PDE10A: variants seen among roughly 807,000 people sequenced by gnomAD.
PDE10A encodes phosphodiesterase 10A.
Under a neutral mutation model 97.7 loss-of-function variants are expected in PDE10A, and 39 were observed. That is an observed-to-expected ratio of 0.40 (90% confidence interval 0.31 to 0.52). The LOEUF is 0.52. PDE10A is among the 20% of genes least tolerant of loss of function. The pLI is 0.56. For missense variants in PDE10A, 731 were observed against 1,047.8 expected (o/e 0.70, Z 4.17); for synonymous variants, 371 against 376.8 (o/e 0.98, Z 0.18).
chr6:165,663,383 G>T (rs1790396290), upstream of PDE10A, among the ~76,000 whole-genome samples: 1 of 152,124 alleles, frequency 6.6e-6, no homozygotes, highest in South Asian at 2.1e-4. Flanking sequence ...GGGCCGGGGC[G>T]GGCGGACAGA....
At chr6:165,590,017 T>G (rs1285524899) in intron 1 of PDE10A, among the ~76,000 whole-genome samples, 2 of 152,190 alleles carry the variant, frequency 1.3e-5, no homozygotes, top group African/African-American at 4.8e-5. Flanking sequence ...TATCACAAAT[T>G]GAGATAAAAA....
At chr6:165,482,181 G>T (rs1226602621) in intron 3 of PDE10A, 134 bp downstream of exon 3, 2 of 727,606 alleles carry the variant, frequency 2.7e-6, no homozygotes, top group Non-Finnish European at 2.5e-6. Flanking sequence ...ATATTAATGA[G>T]TGATACTTTG....
intron 2 of PDE10A, among the ~76,000 whole-genome samples, chr6:165,519,596 A>G (rs75301026): frequency 0.059 from 9,035 of 152,202 alleles, 431 homozygotes; most frequent in African/African-American, 0.13. Flanking sequence ...CAATTCGTTT[A>G]ACTATTTGCC....
chr6:165,710,449 G>C (rs1427468364), intron 1 of PDE10A, among the ~76,000 whole-genome samples: 1 of 152,170 alleles, frequency 6.6e-6, no homozygotes, highest in Non-Finnish European at 1.5e-5. Context: ...CAACTAAGAT[G>C]TTACGATGTT....
At chr6:165,707,676 C>A (rs1433769480) in intron 1 of PDE10A, among the ~76,000 whole-genome samples, 1 of 151,144 alleles carries the variant, frequency 6.6e-6, no homozygotes, top group Non-Finnish European at 1.5e-5. Context: ...TGTGTGTAAG[C>A]GTATGTGAGC....
intron 1 of PDE10A, among the ~76,000 whole-genome samples, chr6:165,898,457 C>G (rs1782016829): frequency 6.6e-6 from 1 of 152,146 alleles, no homozygotes; most frequent in African/African-American, 2.4e-5. Flanking sequence ...CTCCAGGGCA[C>G]AGAGCAAAGC....
chr6:165,954,051 G>A (rs1002534234), intron 1 of PDE10A, among the ~76,000 whole-genome samples: 4 of 152,134 alleles, frequency 2.6e-5, no homozygotes, highest in African/African-American at 9.7e-5. Flanking sequence ...ATGTGTATTT[G>A]GGGTTCCTTG....
chr6:165,848,810 G>A (rs1316657189), intron 1 of PDE10A, among the ~76,000 whole-genome samples: 1 of 152,146 alleles, frequency 6.6e-6, no homozygotes, highest in Non-Finnish European at 1.5e-5. Flanking sequence ...GCCGGGGGAG[G>A]AAGGGTCAGC....
chr6:165,425,006 C>A (rs930021349), intron 10 of PDE10A, among the ~76,000 whole-genome samples: 2 of 152,066 alleles, frequency 1.3e-5, no homozygotes, highest in Non-Finnish European at 2.9e-5. Context: ...TAAATATATT[C>A]TCCTGTTGAT....
intron 18 of PDE10A, among the ~76,000 whole-genome samples, chr6:165,370,307 C>T (rs1784138563): frequency 6.8e-6 from 1 of 147,730 alleles, no homozygotes; most frequent in African/African-American, 2.5e-5. Context: ...AGTCAAGACC[C>T]ATCAGTGTGC....
intron 1 of PDE10A, among the ~76,000 whole-genome samples, chr6:165,597,005 G>T (rs1786637766): frequency 6.6e-6 from 1 of 151,662 alleles, no homozygotes; most frequent in Non-Finnish European, 1.5e-5. Context: ...TACCTACTTG[G>T]TGCAGCCTTC....
At chr6:165,603,312 C>T (rs12206610) in intron 1 of PDE10A, among the ~76,000 whole-genome samples, 18,794 of 152,188 alleles carry the variant, frequency 0.12, 1,190 homozygotes, top group Non-Finnish European at 0.14. Flanking sequence ...GGTGCTTTAT[C>T]GTTATTTTAG....
chr6:165,399,889 T>A (rs910350321), intron 13 of PDE10A, among the ~76,000 whole-genome samples: 1 of 152,210 alleles, frequency 6.6e-6, no homozygotes, highest in African/African-American at 2.4e-5. Flanking sequence ...TAAACATACA[T>A]GTGCATGTGT....
intron 1 of PDE10A, among the ~76,000 whole-genome samples, chr6:165,549,659 ACT>A (rs1783918280): frequency 6.6e-6 from 1 of 151,636 alleles, no homozygotes. Context: ...GAAATATTCA[ACT>A]CTCTGTGGCT....
rs551932786 is a variant in PDE10A at position 165,329,585 on chromosome 6, G to C, written c.*3440C>G. The C allele has an allele frequency of 6.6e-6, 1 of 152,168 alleles. No individual in the cohort carries two copies. The highest frequency in any genetic ancestry group is 2.1e-4 in the South Asian group (1 of 4,828). The allele number at this position is 152,168 out of a possible 1,614,324, so 9.4% of individuals were successfully genotyped here. A position where few individuals can be genotyped will look rare whatever the true frequency, so the allele number is the denominator to read the frequency against. On this transcript the variant is annotated 3_prime_UTR_variant, in exon 22 of 22. Coordinates refer to ENST00000539869, the MANE Select transcript of PDE10A (RefSeq NM_001385079.1). ...AAAACCCAGGTATCTAAGGATTTAT[G>C]CATCTATTTATATCCTGTACAATAC...
intron 1 of PDE10A, among the ~76,000 whole-genome samples, chr6:165,933,950 C>A (rs1265065209): frequency 6.6e-6 from 1 of 151,526 alleles, no homozygotes; most frequent in Non-Finnish European, 1.5e-5. Flanking sequence ...AAAAGCACAG[C>A]TCCAGTTTGC....
chr6:165,937,842 C>T (rs113662176), intron 1 of PDE10A, among the ~76,000 whole-genome samples: 6 of 152,280 alleles, frequency 3.9e-5, no homozygotes, highest in South Asian at 4.1e-4. Context: ...AACTGACCTT[C>T]TAATAAATGC....
chr6:165,953,612 C>A (rs1784040677), intron 1 of PDE10A, among the ~76,000 whole-genome samples: 1 of 151,960 alleles, frequency 6.6e-6, no homozygotes, highest in Non-Finnish European at 1.5e-5. Context: ...AAATAGATTT[C>A]TATTTTTTAG....
intron 2 of PDE10A, among the ~76,000 whole-genome samples, chr6:165,489,573 C>A (rs1476894322): frequency 1.3e-5 from 2 of 152,120 alleles, no homozygotes; most frequent in Non-Finnish European, 2.9e-5. Flanking sequence ...TACTAGCTCA[C>A]CAGCAATGGA....
Sources: allele counts gnomAD v4.1 joint callset (sites outside exome capture counted in the v4.1 genomes callset), GRCh38; gene constraint gnomAD v4.1.1; transcripts MANE v1.5; gene names NCBI Gene and HGNC (gene_info 2026-07-23, HGNC 2026-07-21).